Variants in EP300 observed in about 807,000 individuals in gnomAD.
EP300 encodes the protein histone acetyltransferase p300.
A neutral mutation model predicts 264.0 loss-of-function variants in EP300; 31 were observed. The ratio of observed to expected loss-of-function variants is 0.12; its 90% CI spans 0.09 to 0.16. The LOEUF (loss-of-function observed/expected upper bound fraction) is 0.16. Ranked by LOEUF, EP300 falls within the 10% of genes least tolerant of loss-of-function variation. The pLI is 1.00. For synonymous variants in EP300, 1,340 were observed against 1,045.4 expected (o/e 1.28, Z -5.44); for missense variants, 2,766 against 3,052.9 (o/e 0.91, Z 2.21).
chr22:41,118,362 A>G (rs1005372737), intron 2 of EP300, among the ~76,000 whole-genome samples: 9 of 152,244 alleles, frequency 5.9e-5, no homozygotes, highest in Non-Finnish European at 8.8e-5. Flanking sequence ...TTAACTAGAG[A>G]ATGCTAAGTA....
chr22:41,146,042 A>G (rs547567061), intron 10 of EP300, among the ~76,000 whole-genome samples: 3 of 152,288 alleles, frequency 2.0e-5, no homozygotes, highest in Middle Eastern at 3.4e-3. Context: ...GTTGTGCTAC[A>G]TGATCAAATT....
chr22:41,128,348 T>G (rs1447808107), intron 4 of EP300, among the ~76,000 whole-genome samples: 1 of 151,250 alleles, frequency 6.6e-6, no homozygotes, highest in Admixed American at 6.6e-5. Context: ...TAGTCCCAGC[T>G]ACTTGGGAGA....
At chr22:41,127,216 C>T (rs1294495233) in intron 3 of EP300, among the ~76,000 whole-genome samples, 1 of 152,160 alleles carries the variant, frequency 6.6e-6, no homozygotes, top group African/African-American at 2.4e-5. Context: ...ACCCTTCCCT[C>T]TCCCGCTGGA....
chr22:41,129,881 TCTC>T lies in EP300; in HGVS notation c.1169-8_1169-6del, dbSNP rs1206782817. The T allele has an allele frequency of 6.2e-7, 1 of 1,608,842 alleles. No individual in the cohort carries two copies. Among genetic ancestry groups the T allele is most frequent in the Non-Finnish European group, 8.5e-7 (1 of 1,175,480 alleles). On this transcript the variant is annotated splice_region_variant and splice_polypyrimidine_tract_variant and intron_variant, in intron 4 of 30. Coordinates refer to ENST00000263253, the MANE Select transcript of EP300 (RefSeq NM_001429.4). ...CTGCTCTTGAAAAAATATGTTTTCTTCTCTTTAGTGGCACACTGTGCATCTTCT... is the reference window on the plus strand; with the variant it reads ...CTGCTCTTGAAAAAATATGTTTTCTTTTTAGTGGCACACTGTGCATCTTCT...
chr22:41,100,909 C>T (rs151303295), intron 1 of EP300, among the ~76,000 whole-genome samples: 1 of 151,948 alleles, frequency 6.6e-6, no homozygotes, highest in African/African-American at 2.4e-5. Flanking sequence ...ATTATCATGT[C>T]ACGTATACAA....
At chr22:41,125,365 G>A (rs910035341) in intron 2 of EP300, among the ~76,000 whole-genome samples, 10 of 151,254 alleles carry the variant, frequency 6.6e-5, no homozygotes, top group African/African-American at 1.2e-4. Context: ...TGATCCTCCC[G>A]CTTCGGCCTC....
At chr22:41,100,388 T>A (rs1379464293) in intron 1 of EP300, among the ~76,000 whole-genome samples, 1 of 152,196 alleles carries the variant, frequency 6.6e-6, no homozygotes, top group Non-Finnish European at 1.5e-5. Flanking sequence ...ATGATGTTCA[T>A]AGAGGAGTCT....
At chr22:41,161,322 A>G (rs1338804641) in intron 20 of EP300, among the ~76,000 whole-genome samples, 3 of 152,230 alleles carry the variant, frequency 2.0e-5, no homozygotes, top group East Asian at 1.9e-4. Flanking sequence ...ATATAGTCTA[A>G]TAGTTTAATC....
intron 1 of EP300, among the ~76,000 whole-genome samples, chr22:41,101,864 A>C (rs1246010437): frequency 6.6e-6 from 1 of 152,254 alleles, no homozygotes; most frequent in East Asian, 1.9e-4. Context: ...AAGGAGGAAG[A>C]AGAAAAGTAG....
At chr22:41,171,251 G>A (rs1303713238) in intron 27 of EP300, among the ~76,000 whole-genome samples, 1 of 151,870 alleles carries the variant, frequency 6.6e-6, no homozygotes, top group African/African-American at 2.4e-5. Context: ...GGGATTACAG[G>A]CATGAGCCAC....
At chr22:41,133,913 G>A (rs2058934685) in intron 6 of EP300, among the ~76,000 whole-genome samples, 1 of 152,288 alleles carries the variant, frequency 6.6e-6, no homozygotes, top group South Asian at 2.1e-4. Flanking sequence ...AGAGTGAAAT[G>A]CAAACATTTT....
intron 3 of EP300, among the ~76,000 whole-genome samples, chr22:41,127,017 T>G (rs1335162329): frequency 6.6e-6 from 1 of 152,152 alleles, no homozygotes; most frequent in Non-Finnish European, 1.5e-5. Context: ...GTGCTAGGGT[T>G]ACAGGCGTGA....
Position 41,177,990 on chromosome 22 carries a change from C to T in EP300, c.6279C>T (p.Ala2093=), listed in dbSNP as rs754090447. Reference sequence around the variant, plus strand: ...TCAAGCAGCGGGCTGCCAAGTATGCCAACTCTAATCCACAACCCATCCCTG... The same window carrying T: ...TCAAGCAGCGGGCTGCCAAGTATGCTAACTCTAATCCACAACCCATCCCTG... The part of the protein sequence containing the change: ...AFIKQRAAKY[A]NSNPQPIPGQ... The change falls in exon 31 of 31, where the codon GCC becomes GCT. Residue 2093 remains alanine (A), a synonymous_variant. Transcript: ENST00000263253. 3.1e-6 allele frequency: 5 copies of T among 1,614,078 alleles called. No individual in the cohort carries two copies. The highest frequency in any genetic ancestry group is 3.3e-4 in the Middle Eastern group (2 of 6,084).
At chr22:41,104,894 G>A (rs1173591784) in intron 1 of EP300, among the ~76,000 whole-genome samples, 2 of 151,954 alleles carry the variant, frequency 1.3e-5, no homozygotes, top group African/African-American at 4.8e-5. Flanking sequence ...GCCGGGCACG[G>A]TGGCTTACGC....
chr22:41,164,215 TTATATCTTCAAAGTTAC>T (rs1194899922), intron 22 of EP300, 85 bp downstream of exon 22: 2 of 1,192,490 alleles, frequency 1.7e-6, no homozygotes, highest in South Asian at 2.4e-5. Flanking sequence ...ATTGACTGTA[TTATATCTTCAAAGTTAC>T]TATCTTTAAA....
At chr22:41,162,620 C>A in intron 20 of EP300, 103 bp from the exon 21 acceptor site, 1 of 878,472 alleles carries the variant, frequency 1.1e-6, no homozygotes. Context: ...TCTTAAAAAA[C>A]CTGAATCTCT....
intron 1 of EP300, among the ~76,000 whole-genome samples, chr22:41,113,754 T>C (rs1040479510): frequency 1.3e-5 from 2 of 152,096 alleles, no homozygotes; most frequent in South Asian, 2.1e-4. Context: ...CACCGTGTTA[T>C]CCAGGATGGT....
In EP300 at chr22:41,092,887, T is replaced by G; in HGVS notation, c.-118T>G. On this transcript the variant is annotated 5_prime_UTR_variant, in exon 1 of 31. Transcript: ENST00000263253. Reference sequence around the variant, plus strand: ...AGAAAAAGGAACTTCCCCCACCCCCTCGGGTGCCGTCGGAGCCCCCCAGCC... The same window carrying G: ...AGAAAAAGGAACTTCCCCCACCCCCGCGGGTGCCGTCGGAGCCCCCCAGCC... 9.3e-7 allele frequency: 1 copy of G among 1,079,632 alleles called. No homozygotes were observed. The highest frequency in any genetic ancestry group is 1.4e-6 in the Non-Finnish European group (1 of 695,492). 66.9% of individuals were successfully genotyped at this position (1,079,632 alleles called of 1,614,324 possible).
At chr22:41,120,099 T>C (rs978902499) in intron 2 of EP300, among the ~76,000 whole-genome samples, 9 of 152,224 alleles carry the variant, frequency 5.9e-5, no homozygotes, top group Non-Finnish European at 2.9e-5. Context: ...CACCTAGGCC[T>C]ATTTTCTTAT....
Sources: allele counts gnomAD v4.1 joint callset (sites outside exome capture counted in the v4.1 genomes callset), GRCh38; gene constraint gnomAD v4.1.1; transcripts MANE v1.5; gene names NCBI Gene and HGNC (gene_info 2026-07-23, HGNC 2026-07-21).